The following CDH18 variants were observed in gnomAD, a reference collection of about 807,000 sequenced individuals.
CDH18 encodes cadherin 18.
A neutral mutation model predicts 67.9 loss-of-function variants in CDH18; 31 were observed. The ratio of observed to expected loss-of-function variants is 0.46; its 90% CI spans 0.34 to 0.62. The LOEUF is 0.62. Ranked by LOEUF, CDH18 falls within the 20% of genes least tolerant of loss-of-function variation. The pLI is 0.01. For missense variants in CDH18, 890 were observed against 975.5 expected (o/e 0.91, Z 1.17); for synonymous variants, 362 against 347.2 (o/e 1.04, Z -0.48).
intron 5 of CDH18, among the ~76,000 whole-genome samples, chr5:19,627,662 C>T (rs1751758307): frequency 6.6e-6 from 1 of 152,052 alleles, no homozygotes; most frequent in African/African-American, 2.4e-5. Flanking sequence ...TATAAACATA[C>T]ACTTATATAC....
intron 1 of CDH18, among the ~76,000 whole-genome samples, chr5:20,259,936 C>A (rs1201552633): frequency 1.3e-5 from 2 of 151,804 alleles, no homozygotes; most frequent in Admixed American, 6.6e-5. Context: ...GCAAGAGATG[C>A]CTACCAAAAA....
intron 2 of CDH18, among the ~76,000 whole-genome samples, chr5:19,866,753 A>G (rs1374782956): frequency 1.3e-5 from 2 of 152,108 alleles, no homozygotes; most frequent in East Asian, 3.9e-4. Context: ...CAATATAGTC[A>G]TTCCACTCAA....
In CDH18 at chr5:19,750,760, GCCCC is replaced by G. The variant is rs55950427; in HGVS notation, c.229-3528_229-3525del. The stretch of plus-strand genomic sequence containing the variant: ...TTAGATTTTAGTCATATACAGTGAA[GCCCC>G]CCCCCCCCCACTTTTTTTAAATCAG... On this transcript the variant is annotated intron_variant, in intron 3 of 12. Transcript: ENST00000382275. Among the ~76,000 whole-genome samples the G allele has an allele frequency of 3.9e-3, 541 of 137,718 alleles. 5 individuals carry two copies. The highest frequency in any genetic ancestry group is 8.3e-3 in the East Asian group (36 of 4,352). 90.3% of individuals were successfully genotyped at this position (137,718 alleles called of 152,430 possible). A position where few individuals can be genotyped will look rare whatever the true frequency, so the allele number is the denominator to read the frequency against.
At chr5:19,976,392 TACAC>T (rs1328225605) in intron 2 of CDH18, among the ~76,000 whole-genome samples, 4 of 152,010 alleles carry the variant, frequency 2.6e-5, no homozygotes, top group South Asian at 4.1e-4. Context: ...AACACGCACA[TACAC>T]ACACATTTGT....
intron 1 of CDH18, among the ~76,000 whole-genome samples, chr5:20,357,117 GA>G (rs891984384): frequency 6.6e-6 from 1 of 151,402 alleles, no homozygotes; most frequent in African/African-American, 2.4e-5. Context: ...CACTTTATGA[GA>G]AAAAAAATCA....
rs1409985372 is a variant in CDH18 at position 20,462,884 on chromosome 5, T to C, written c.-580+112578A>G. ...AATTGTTCTTAGGACTATAATTACA[T>C]TGCTTCTCCCTCAAACTCTATTTAG... On this transcript the variant is annotated intron_variant, in intron 1 of 14. Transcript: ENST00000507958. Among the ~76,000 whole-genome samples, 8 of 152,164 alleles carry C rather than the reference T, an allele frequency of 5.3e-5. No homozygotes were observed. The South Asian group carries it at 1.7e-3, about 32-fold the overall frequency.
At chr5:20,565,732 T>C (rs1191824543) in intron 1 of CDH18, among the ~76,000 whole-genome samples, 1 of 149,658 alleles carries the variant, frequency 6.7e-6, no homozygotes, top group Non-Finnish European at 1.5e-5. Flanking sequence ...CCTGAGCCTT[T>C]GCGTTCCTCC....
intron 3 of CDH18, among the ~76,000 whole-genome samples, chr5:19,834,515 CT>C (rs2150007010): frequency 6.6e-6 from 1 of 151,716 alleles, no homozygotes; most frequent in African/African-American, 2.4e-5. Context: ...TTTCATGCCC[CT>C]ATCTCCTTCA....
chr5:20,320,322 C>A (rs1737882374), intron 1 of CDH18, among the ~76,000 whole-genome samples: 1 of 151,998 alleles, frequency 6.6e-6, no homozygotes, highest in Non-Finnish European at 1.5e-5. Flanking sequence ...AAGAATCAGA[C>A]AAAGAGTAAG....
At chr5:19,507,307 G>A (rs1199758722) in intron 10 of CDH18, among the ~76,000 whole-genome samples, 6 of 152,134 alleles carry the variant, frequency 3.9e-5, no homozygotes, top group African/African-American at 1.4e-4. Context: ...ACTGTTGATG[G>A]GAATGTAAAC....
At chr5:20,471,643 T>C (rs1300838038) in intron 1 of CDH18, among the ~76,000 whole-genome samples, 1 of 151,094 alleles carries the variant, frequency 6.6e-6, no homozygotes, top group Non-Finnish European at 1.5e-5. Context: ...CTACTAAAAA[T>C]ACAAAAAAAT....
intron 10 of CDH18, among the ~76,000 whole-genome samples, chr5:19,505,808 G>T (rs1276551465): frequency 1.3e-5 from 2 of 151,998 alleles, no homozygotes; most frequent in Admixed American, 6.6e-5. Flanking sequence ...GCCAGGCTTT[G>T]GTATCAGGAT....
At chr5:19,749,650 TC>T (rs1470659517) in intron 3 of CDH18, among the ~76,000 whole-genome samples, 1 of 150,852 alleles carries the variant, frequency 6.6e-6, no homozygotes, top group African/African-American at 2.4e-5. Flanking sequence ...ATAGTAAAGT[TC>T]TTAACCTACA....
chr5:20,291,948 C>T (rs190245145), intron 1 of CDH18, among the ~76,000 whole-genome samples: 3 of 152,216 alleles, frequency 2.0e-5, no homozygotes, highest in Admixed American at 1.3e-4. Flanking sequence ...AGAGTTTTGA[C>T]CTCTTTCCCG....
intron 2 of CDH18, among the ~76,000 whole-genome samples, chr5:19,996,826 G>GT (rs567202917): frequency 2.6e-5 from 4 of 151,868 alleles, no homozygotes; most frequent in Non-Finnish European, 5.9e-5. Flanking sequence ...AATTTCTATT[G>GT]TTTTTTCTTA....
At chr5:19,741,253 A>G (rs1769131887) in intron 4 of CDH18, among the ~76,000 whole-genome samples, 1 of 73,240 alleles carries the variant, frequency 1.4e-5, no homozygotes, top group African/African-American at 2.8e-5. Flanking sequence ...ATGTATGTAT[A>G]TATGTATACA....
intron 1 of CDH18, among the ~76,000 whole-genome samples, chr5:20,365,982 A>G (rs1742485090): frequency 6.6e-6 from 1 of 152,168 alleles, no homozygotes; most frequent in African/African-American, 2.4e-5. Context: ...TGGTCTCTGA[A>G]GATATCTTCT....
At chr5:19,557,167 C>T (rs1738590007) in intron 8 of CDH18, among the ~76,000 whole-genome samples, 1 of 152,008 alleles carries the variant, frequency 6.6e-6, no homozygotes, top group African/African-American at 2.4e-5. Flanking sequence ...TCTCAAAATA[C>T]AACAAAATAG....
intron 2 of CDH18, among the ~76,000 whole-genome samples, chr5:19,901,310 A>G (rs1789915885): frequency 6.6e-6 from 1 of 152,118 alleles, no homozygotes; most frequent in Admixed American, 6.5e-5. Context: ...AAATTTTAAC[A>G]TCAGTAACAG....
Sources: allele counts gnomAD v4.1 joint callset (sites outside exome capture counted in the v4.1 genomes callset), GRCh38; gene constraint gnomAD v4.1.1; transcripts MANE v1.5; gene names NCBI Gene and HGNC (gene_info 2026-07-23, HGNC 2026-07-21).